SLCO4A1: variants seen among roughly 807,000 people sequenced by gnomAD.
SLCO4A1 encodes the protein colon organic anion transporter.
A neutral mutation model predicts 64.6 loss-of-function variants in SLCO4A1; 51 were observed. The observed-to-expected ratio is 0.79, with a 90% CI of 0.63 to 1.00. The LOEUF is 1.00. Ranked by LOEUF, SLCO4A1 falls within the 50% of genes least tolerant of loss-of-function variation. The pLI is 0.00. For missense variants in SLCO4A1, 919 were observed against 980.5 expected (o/e 0.94, Z 0.84); for synonymous variants, 471 against 444.9 (o/e 1.06, Z -0.74).
chr20:62,678,424 A>G (rs1302813523), intron 2 of SLCO4A1, among the ~76,000 whole-genome samples: 6 of 152,198 alleles, frequency 3.9e-5, no homozygotes, highest in Admixed American at 3.3e-4. Context: ...ACAGTTTACT[A>G]TAAAGTTAGA....
In SLCO4A1 at chr20:62,657,127, C is replaced by T. The variant is rs149900036; in HGVS notation, c.673C>T (p.Arg225Cys). 1.1e-4 allele frequency: 177 copies of T among 1,574,890 alleles called. No individual in the cohort carries two copies. The highest frequency in any genetic ancestry group is 1.4e-4 in the Non-Finnish European group (167 of 1,161,890). Residue 225 changes from arginine (R) to cysteine (C), a missense_variant, in exon 2 of 12, where the codon CGC (arginine) becomes TGC (cysteine). Coordinates refer to ENST00000217159, the MANE Select transcript of SLCO4A1 (RefSeq NM_016354.4). ...TGCGGACAGCACCTCGGGCCTGTCC[C>T]GCTACCAGCTGGTCTTCATGCTGGG... ...VCADSTSGLS[R>C]YQLVFMLGQF...
chr20:62,660,949 C>T (rs946200478), intron 4 of SLCO4A1, 115 bp from the exon 5 acceptor site: 3 of 716,154 alleles, frequency 4.2e-6, no homozygotes, highest in East Asian at 2.7e-5. Context: ...GGATGTCAGA[C>T]AGTGACGTTC....
chr20:62,662,179 C>T lies in SLCO4A1; in HGVS notation c.1121+1004C>T, dbSNP rs981734814. On this transcript the variant is annotated intron_variant, in intron 5 of 11. Transcript: ENST00000217159. ...CCCTCAGAAAGCCCCAAGCTGTCCA[C>T]GGCAGAGAGGAGCAGGGCTGGATGA... 4.6e-5 allele frequency among the ~76,000 whole-genome samples: 7 copies of T among 152,252 alleles called. 1 individual carries two copies. The highest frequency in any genetic ancestry group is 3.3e-4 in the Admixed American group (5 of 15,306).
chr20:62,657,613 C>T (rs1355484743), intron 2 of SLCO4A1, among the ~76,000 whole-genome samples: 1 of 152,244 alleles, frequency 6.6e-6, no homozygotes, highest in East Asian at 1.9e-4. Context: ...GGCTGGGAAC[C>T]TGGCACTTGC....
chr20:62,668,901 G>T (rs771129954), intron 10 of SLCO4A1, 29 bp from the exon 11 acceptor site: 1 of 1,595,358 alleles, frequency 6.3e-7, no homozygotes, highest in South Asian at 1.1e-5. Flanking sequence ...CACCAGGAGT[G>T]TGGGTGCTGA....
chr20:62,656,888 T>C lies in SLCO4A1; in HGVS notation c.434T>C (p.Ile145Thr), dbSNP rs745390551. The C allele has an allele frequency of 2.9e-5, 46 of 1,580,184 alleles. No homozygotes were observed. The highest frequency in any genetic ancestry group is 8.5e-5 in the Admixed American group (5 of 58,590). Reference protein sequence around the residue: ...YDLHSYQSGLIASSYDIAACL... With the variant: ...YDLHSYQSGLTASSYDIAACL... ...CTGCACAGCTACCAGAGCGGGCTCA[T>C]CGCCAGCTCCTACGACATTGCCGCC... Residue 145 changes from isoleucine to threonine, a missense_variant, in exon 2 of 12, where the codon ATC becomes ACC. Transcript: ENST00000217159.
At chr20:62,669,380 C>T (rs547927478) in intron 11 of SLCO4A1, among the ~76,000 whole-genome samples, 27 of 152,356 alleles carry the variant, frequency 1.8e-4, no homozygotes, top group African/African-American at 6.3e-4. Context: ...TGGTCTTGCA[C>T]GTACCCGGGA....
intron 7 of SLCO4A1, among the ~76,000 whole-genome samples, chr20:62,667,311 C>T (rs1461408794): frequency 1.3e-5 from 2 of 152,204 alleles, no homozygotes; most frequent in Non-Finnish European, 2.9e-5. Flanking sequence ...TGCCGAGGGG[C>T]GTGTACGTGC....
rs1020528502 is a variant in SLCO4A1 at position 62,642,513 on chromosome 20, G to T, written c.-137G>T. 8 of 212,306 alleles carry T rather than the reference G, an allele frequency of 3.8e-5. No individual in the cohort carries two copies. Among genetic ancestry groups the T allele is most frequent in the African/African-American group, 1.2e-4 (5 of 41,864 alleles). 13.2% of individuals were successfully genotyped at this position (212,306 alleles called of 1,614,324 possible). A position where few individuals can be genotyped will look rare whatever the true frequency, so the allele number is the denominator to read the frequency against. On this transcript the variant is annotated 5_prime_UTR_variant, in exon 1 of 12. Coordinates refer to ENST00000217159, the MANE Select transcript of SLCO4A1 (RefSeq NM_016354.4). ...GCTGCCGGGGAGGCCAGAGCGTGGA[G>T]CGCTGCGCGGCGCGGCGGCCGGGCC...
chr20:62,679,715 A>T (rs913160938), intron 2 of SLCO4A1, among the ~76,000 whole-genome samples: 4 of 152,206 alleles, frequency 2.6e-5, no homozygotes, highest in African/African-American at 9.7e-5. Context: ...TTAAAAAATA[A>T]AATCAAAAAC....
In SLCO4A1 at chr20:62,660,322, C is replaced by T. The variant is rs533730377; in HGVS notation, c.888-90C>T. On this transcript the variant is annotated intron_variant, in intron 3 of 11. Transcript: ENST00000217159. Reference sequence around the variant, plus strand: ...TGCAGACAGACCCTGGAGGTCTGCCCGGAGGAGGGGCCAGCAGCCCCCAGT... The same window carrying T: ...TGCAGACAGACCCTGGAGGTCTGCCTGGAGGAGGGGCCAGCAGCCCCCAGT... 5.5e-5 allele frequency: 83 copies of T among 1,498,286 alleles called. No individual in the cohort carries two copies. The East Asian group carries it at 9.1e-4, about 16-fold the overall frequency. 92.8% of individuals were successfully genotyped at this position (1,498,286 alleles called of 1,614,324 possible).
At chr20:62,648,022 C>G (rs896040769) in intron 1 of SLCO4A1, among the ~76,000 whole-genome samples, 4 of 152,242 alleles carry the variant, frequency 2.6e-5, no homozygotes, top group Admixed American at 6.5e-5. Context: ...GGGCACTGAC[C>G]CATACACAGG....
intron 4 of SLCO4A1, 126 bp from the exon 5 acceptor site, chr20:62,660,938 G>A (rs1057288377): frequency 1.9e-5 from 13 of 673,378 alleles, no homozygotes; most frequent in African/African-American, 1.4e-4. Flanking sequence ...GAGGGCTGCA[G>A]GGATGTCAGA....
rs12626098 is a variant in SLCO4A1, at chr20:62,645,983, G to A, written c.-97+3430G>A. Among the ~76,000 whole-genome samples, 2,711 of 152,240 alleles carry A rather than the reference G, an allele frequency of 0.018. 252 individuals carry two copies. In the East Asian group the frequency reaches 0.26, roughly 14 times the overall value. On this transcript the variant is annotated intron_variant, in intron 1 of 11. Transcript: ENST00000217159. The surrounding 1 kb of genome is among the most constrained non-coding windows in gnomAD (Gnocchi z 4.2). ...CATTTGCCACTGGACTCTGCCTTTCGGGAGGCGCTGTGGACCTGAGATTTG... is the reference window on the plus strand; with the variant it reads ...CATTTGCCACTGGACTCTGCCTTTCAGGAGGCGCTGTGGACCTGAGATTTG...
Position 62,656,526 on chromosome 20 carries a change from T to G in SLCO4A1, c.72T>G (p.Leu24=). 1 of 1,574,316 alleles carries G rather than the reference T, an allele frequency of 6.4e-7. No homozygotes were observed. The highest frequency in any genetic ancestry group is 2.3e-5 in the East Asian group (1 of 43,170). The change falls in exon 2 of 12, where the codon CTT becomes CTG. Residue 24 remains leucine (L), a synonymous_variant. Transcript: ENST00000217159. ...PSPNSAMENG[L]DHTPPSRRAS... ...CCAACTCAGCCATGGAAAACGGGCTTGACCACACCCCACCCAGCAGGAGGG... is the reference window on the plus strand; with the variant it reads ...CCAACTCAGCCATGGAAAACGGGCTGGACCACACCCCACCCAGCAGGAGGG...
At chr20:62,654,342 C>T (rs1261479200) in intron 1 of SLCO4A1, among the ~76,000 whole-genome samples, 2 of 152,242 alleles carry the variant, frequency 1.3e-5, no homozygotes, top group South Asian at 2.1e-4. Context: ...TAAGGTCATG[C>T]GCTCAGGTCC....
At chr20:62,688,897 T>C (rs752262975), downstream of SLCO4A1, among the ~76,000 whole-genome samples, 3 of 152,204 alleles carry the variant, frequency 2.0e-5, no homozygotes, top group Non-Finnish European at 4.4e-5. Flanking sequence ...GCCCTTTAAT[T>C]CTTCCCAATA....
chr20:62,665,165 G>T, intron 6 of SLCO4A1, 77 bp downstream of exon 6: 2 of 1,499,778 alleles, frequency 1.3e-6, no homozygotes, highest in Non-Finnish European at 1.8e-6. Flanking sequence ...GCATCTTCTA[G>T]AAAGACCCAG....
At position 62,668,129 on chromosome 20, in the gene SLCO4A1, G is replaced by A. The variant is rs565575180; in HGVS notation, c.1756G>A (p.Val586Ile). 17 of 1,613,844 alleles carry A rather than the reference G, an allele frequency of 1.1e-5. No homozygotes were observed. In the East Asian group the frequency reaches 2.7e-4, roughly 25 times the overall value. ...GCCCCTCCTTCTGGTTTTCATATTC[G>A]TTGTAATTTTCTTTACATTCCTCAG... is the stretch of plus-strand genomic sequence containing the variant. ...RKPLLLVFIF[V>I]VIFFTFLSSI... Residue 586 changes from valine (V) to isoleucine (I), a missense_variant, in exon 9 of 12, where the codon GTT becomes ATT. Physicochemically the swap from Val to Ile is conservative, Grantham distance 29. Coordinates refer to ENST00000217159, the MANE Select transcript of SLCO4A1 (RefSeq NM_016354.4).
Sources: allele counts gnomAD v4.1 joint callset (sites outside exome capture counted in the v4.1 genomes callset), GRCh38; gene constraint gnomAD v4.1.1; non-coding constraint Gnocchi (gnomAD v3.1); transcripts MANE v1.5; gene names NCBI Gene and HGNC (gene_info 2026-07-23, HGNC 2026-07-21).